The following PPARGC1A variants were observed in gnomAD, a reference collection of about 807,000 sequenced individuals.
PPARGC1A encodes the protein PPARG coactivator 1 alpha.
In PPARGC1A, 25 loss-of-function variants were observed where a neutral mutation model predicts 88.7. The observed-to-expected ratio is 0.28, with a 90% CI of 0.21 to 0.39. PPARGC1A has a LOEUF of 0.39. PPARGC1A is among the 10% of genes least tolerant of loss of function. The probability of loss-of-function intolerance (pLI) is 1.00; values close to 1 mark genes in which losing one functional copy is unlikely to be tolerated. For missense variants in PPARGC1A, 880 were observed against 968.7 expected, an observed-to-expected ratio of 0.91 and a Z score of 1.22; for synonymous variants, 363 against 355.6, an observed-to-expected ratio of 1.02 and a Z score of -0.24.
the PPARGC1A span, among the ~76,000 whole-genome samples, chr4:24,228,038 T>C: frequency 6.6e-6 from 1 of 152,134 alleles, no homozygotes; most frequent in Non-Finnish European, 1.5e-5. Flanking sequence ...CCTGCGCAGC[T>C]CAGCTCAGCT....
the PPARGC1A span, among the ~76,000 whole-genome samples, chr4:23,938,681 G>C: frequency 6.6e-6 from 1 of 152,200 alleles, no homozygotes; most frequent in Admixed American, 6.5e-5. Flanking sequence ...TAGCACCATA[G>C]TCCCTTTCAT....
chr4:24,080,175 T>C, the PPARGC1A span, among the ~76,000 whole-genome samples: 1 of 152,050 alleles, frequency 6.6e-6, no homozygotes, highest in Non-Finnish European at 1.5e-5. Flanking sequence ...TTTTCCTTTT[T>C]AGGAAGATGA....
the PPARGC1A span, among the ~76,000 whole-genome samples, chr4:24,331,092 C>T: frequency 0.41 from 61,828 of 151,938 alleles, 12,852 homozygotes; most frequent in South Asian, 0.46. Context: ...CACAACTATA[C>T]GTTATCTCCT....
At chr4:24,190,714 A>G in the PPARGC1A span, among the ~76,000 whole-genome samples, 4 of 152,138 alleles carry the variant, frequency 2.6e-5, no homozygotes, top group Non-Finnish European at 5.9e-5. Flanking sequence ...TGCCAAAGGC[A>G]GGATTCAGCT....
the PPARGC1A span, among the ~76,000 whole-genome samples, chr4:24,112,939 A>G: frequency 6.6e-6 from 1 of 152,148 alleles, no homozygotes; most frequent in Non-Finnish European, 1.5e-5. Context: ...AACAACTCCT[A>G]AGAGAATAAC....
At chr4:24,318,647 G>GA in the PPARGC1A span, among the ~76,000 whole-genome samples, 1 of 152,176 alleles carries the variant, frequency 6.6e-6, no homozygotes, top group Non-Finnish European at 1.5e-5. Flanking sequence ...AAAAAGCACA[G>GA]AAAAGTATTA....
the PPARGC1A span, among the ~76,000 whole-genome samples, chr4:24,079,076 T>TGC: frequency 6.6e-6 from 1 of 152,094 alleles, no homozygotes; most frequent in African/African-American, 2.4e-5. Context: ...AATTTCATTA[T>TGC]TATAAATAGC....
the PPARGC1A span, among the ~76,000 whole-genome samples, chr4:24,198,658 C>T: frequency 2.0e-5 from 3 of 152,160 alleles, no homozygotes; most frequent in African/African-American, 2.4e-5. Context: ...TTGGGTTCCT[C>T]GAGCCTAAGG....
chr4:24,391,346 G>A, the PPARGC1A span, among the ~76,000 whole-genome samples: 1 of 152,112 alleles, frequency 6.6e-6, no homozygotes, highest in Non-Finnish European at 1.5e-5. Flanking sequence ...CCCCACTGGG[G>A]TAAATACACA....
chr4:23,864,439 T>C (rs1348270712), intron 2 of PPARGC1A, among the ~76,000 whole-genome samples: 1 of 152,184 alleles, frequency 6.6e-6, no homozygotes, highest in Non-Finnish European at 1.5e-5. Flanking sequence ...TAATGTTTGG[T>C]TTAACAATCA....
chr4:24,338,247 G>A, the PPARGC1A span, among the ~76,000 whole-genome samples: 7 of 152,246 alleles, frequency 4.6e-5, no homozygotes, highest in Non-Finnish European at 5.9e-5. Context: ...AGCGCATTTA[G>A]AGTTGCTATT....
intron 2 of PPARGC1A, among the ~76,000 whole-genome samples, chr4:23,836,598 A>T (rs1326861434): frequency 1.3e-5 from 2 of 152,164 alleles, no homozygotes; most frequent in African/African-American, 4.8e-5. Flanking sequence ...CAGTCAACAA[A>T]ATGAGAAGGT....
the PPARGC1A span, among the ~76,000 whole-genome samples, chr4:24,326,679 T>C: frequency 6.6e-6 from 1 of 152,230 alleles, no homozygotes; most frequent in East Asian, 1.9e-4. Flanking sequence ...CTCTCCCTAC[T>C]GATCGTGTCC....
At chr4:23,908,167 G>A (rs562884009), upstream of PPARGC1A, among the ~76,000 whole-genome samples, 3 of 152,306 alleles carry the variant, frequency 2.0e-5, no homozygotes, top group Admixed American at 1.3e-4. Context: ...TTAAGAGAAC[G>A]AGCGACAGTG....
the PPARGC1A span, among the ~76,000 whole-genome samples, chr4:24,122,328 A>T: frequency 6.7e-6 from 1 of 150,100 alleles, no homozygotes; most frequent in East Asian, 2.0e-4. Flanking sequence ...GGTAGAGAGG[A>T]AGGTGCTCTA....
chr4:24,250,548 C>G, the PPARGC1A span, among the ~76,000 whole-genome samples: 1 of 152,044 alleles, frequency 6.6e-6, no homozygotes, highest in African/African-American at 2.4e-5. Context: ...TGGGGGCATG[C>G]ACTCTTTGAA....
chr4:24,301,275 T>C, the PPARGC1A span, among the ~76,000 whole-genome samples: 2 of 152,158 alleles, frequency 1.3e-5, no homozygotes, highest in African/African-American at 4.8e-5. Context: ...AAGGATTTTA[T>C]CTGGCAAAAC....
chr4:23,910,815 CTCTT>C, the PPARGC1A span, among the ~76,000 whole-genome samples: 4 of 78,502 alleles, frequency 5.1e-5, no homozygotes, highest in Non-Finnish European at 9.8e-5. Context: ...CTATTGTTAT[CTCTT>C]TTTTTCAGAT....
At chr4:24,396,415 C>T in the PPARGC1A span, among the ~76,000 whole-genome samples, 16 of 152,228 alleles carry the variant, frequency 1.1e-4, no homozygotes, top group East Asian at 3.1e-3. Flanking sequence ...GTTGTTGACT[C>T]GTGACCTTTA....
Sources: allele counts gnomAD v4.1 joint callset (sites outside exome capture counted in the v4.1 genomes callset), GRCh38; gene constraint gnomAD v4.1.1; transcripts MANE v1.5; gene names NCBI Gene and HGNC (gene_info 2026-07-23, HGNC 2026-07-21).